PDCD1LG2: variants seen among roughly 807,000 people sequenced by gnomAD.
PDCD1LG2 encodes B7 dendritic cell molecule.
PDCD1LG2 carries 32 observed loss-of-function variants against 28.2 expected under a neutral mutation model. The observed-to-expected ratio is 1.13, with a 90% CI of 0.86 to 1.52. The LOEUF (loss-of-function observed/expected upper bound fraction) is 1.52, where lower values mean the gene tolerates loss of function less well. Among genes scored for constraint, PDCD1LG2 ranks in the 40% most tolerant of loss-of-function variants. PDCD1LG2 has a pLI of 0.00. For missense variants in PDCD1LG2, 385 were observed against 323.8 expected (o/e 1.19, Z -1.45); for synonymous variants, 116 against 120.2 (o/e 0.97, Z 0.23).
rs561507956 is a variant in PDCD1LG2, at chr9:5,557,630, C to A, written c.644C>A (p.Pro215His). Residue 215 changes from proline (P) to histidine (H), a missense_variant, in exon 5 of 7, where the codon CCC (proline) becomes CAC (histidine). Pro to His is a moderately conservative substitution (Grantham distance 77). Transcript: ENST00000397747. The stretch of plus-strand genomic sequence containing the variant: ...TTCCTTTGCCCAGGTCAGATGGAAC[C>A]CAGGACCCATCCAACTTGGCTGCTT... ...ASIDLQSQME[P>H]RTHPTWLLHI... The A allele has an allele frequency of 3.7e-6, 6 of 1,614,006 alleles. No individual in the cohort carries two copies. The Admixed American group carries it at 5.0e-5, about 13-fold the overall frequency.
chr9:5,562,411 C>T (rs1422608472), intron 5 of PDCD1LG2, among the ~76,000 whole-genome samples: 1 of 152,174 alleles, frequency 6.6e-6, no homozygotes, highest in East Asian at 1.9e-4. Context: ...ACCATATATT[C>T]TCACTTGTAA....
intron 3 of PDCD1LG2, among the ~76,000 whole-genome samples, chr9:5,549,004 C>G (rs1270222777): frequency 6.6e-6 from 1 of 152,144 alleles, no homozygotes; most frequent in Admixed American, 6.6e-5. Flanking sequence ...CTGTTGAGGT[C>G]TGGAATCAGA....
chr9:5,559,578 C>T (rs900738418), intron 5 of PDCD1LG2, among the ~76,000 whole-genome samples: 1 of 152,154 alleles, frequency 6.6e-6, no homozygotes, highest in African/African-American at 2.4e-5. Context: ...AAAGGGGAAG[C>T]AGCAAGAGAA....
At chr9:5,540,226 A>G (rs1180707791) in intron 3 of PDCD1LG2, among the ~76,000 whole-genome samples, 2 of 152,210 alleles carry the variant, frequency 1.3e-5, no homozygotes, top group Non-Finnish European at 2.9e-5. Flanking sequence ...TCTGGGATAC[A>G]GCAAAAGCAG....
At chr9:5,519,065 G>C (rs1311853784) in intron 1 of PDCD1LG2, among the ~76,000 whole-genome samples, 1 of 152,224 alleles carries the variant, frequency 6.6e-6, no homozygotes, top group African/African-American at 2.4e-5. Flanking sequence ...ACATGGGGAA[G>C]CACCAGGGTC....
intron 1 of PDCD1LG2, among the ~76,000 whole-genome samples, chr9:5,517,574 G>A (rs149862868): frequency 8.9e-4 from 136 of 152,272 alleles, no homozygotes; most frequent in African/African-American, 3.2e-3. Context: ...CCATCGGAAG[G>A]TTTTAAGAAA....
intron 2 of PDCD1LG2, among the ~76,000 whole-genome samples, chr9:5,524,723 G>T (rs1026465040): frequency 2.6e-5 from 4 of 152,014 alleles, no homozygotes; most frequent in African/African-American, 9.7e-5. Flanking sequence ...GGGGTAAAAA[G>T]GATAGTCTTA....
At chr9:5,531,748 T>C (rs1477332627) in intron 2 of PDCD1LG2, among the ~76,000 whole-genome samples, 1 of 152,240 alleles carries the variant, frequency 6.6e-6, no homozygotes, top group Non-Finnish European at 1.5e-5. Flanking sequence ...CAAAGTCATC[T>C]ATTTAATTCT....
intron 6 of PDCD1LG2, among the ~76,000 whole-genome samples, chr9:5,565,732 T>A (rs1428299520): frequency 3.3e-5 from 5 of 152,142 alleles, no homozygotes; most frequent in Admixed American, 3.3e-4. Flanking sequence ...CAATGTTTCT[T>A]ATAGTTTATT....
intron 4 of PDCD1LG2, among the ~76,000 whole-genome samples, chr9:5,554,101 G>C (rs1021014113): frequency 6.6e-6 from 1 of 152,078 alleles, no homozygotes; most frequent in Non-Finnish European, 1.5e-5. Context: ...TGGACCATTT[G>C]TTTGCCTTGT....
rs559051782 is a variant in PDCD1LG2 at position 5,535,825 on chromosome 9, T to G, written c.361+775T>G. ...CAGGGATCTCTCCACTCCAGCACAA[T>G]TGAAAATCTAAATATAAAGAGAATC... On this transcript the variant is annotated intron_variant, in intron 3 of 6. Coordinates refer to ENST00000397747, the MANE Select transcript of PDCD1LG2 (RefSeq NM_025239.4). 2.3e-3 allele frequency among the ~76,000 whole-genome samples: 347 copies of G among 152,278 alleles called. 2 individuals are homozygous for G. The highest frequency in any genetic ancestry group is 8.2e-3 in the African/African-American group (339 of 41,558).
At chr9:5,549,747 G>C (rs779035074) in intron 4 of PDCD1LG2, 143 bp downstream of exon 4, 7 of 1,045,058 alleles carry the variant, frequency 6.7e-6, no homozygotes, top group Non-Finnish European at 9.5e-6. Flanking sequence ...ACAAAGGATA[G>C]TGCAGAACAC....
intron 4 of PDCD1LG2, among the ~76,000 whole-genome samples, chr9:5,557,190 G>C (rs1816459534): frequency 1.3e-5 from 2 of 152,000 alleles, no homozygotes; most frequent in African/African-American, 4.8e-5. Flanking sequence ...AAGAGAGAGA[G>C]GATGAGGAGG....
intron 1 of PDCD1LG2, among the ~76,000 whole-genome samples, chr9:5,521,583 C>T (rs1168121085): frequency 2.0e-5 from 3 of 152,118 alleles, no homozygotes; most frequent in East Asian, 3.9e-4. Flanking sequence ...TGTAATCTTG[C>T]CAGCAACCTC....
In PDCD1LG2 at chr9:5,569,994, G is replaced by A. The variant is rs2129975957; in HGVS notation, c.*35G>A. On this transcript the variant is annotated 3_prime_UTR_variant, in exon 7 of 7. Coordinates refer to ENST00000397747, the MANE Select transcript of PDCD1LG2 (RefSeq NM_025239.4). This position sits in a 1 kb window ranked among gnomAD's most constrained non-coding sequence, Gnocchi z 4.1. ...CTTGGGAGCCAGGGTGACCTGATAT[G>A]ACATCTAAAGAAGCTTCTGGACTCT... is the stretch of plus-strand genomic sequence containing the variant. The A allele has an allele frequency of 6.2e-7, 1 of 1,613,768 alleles. No individual in the cohort carries two copies. Among genetic ancestry groups the A allele is most frequent in the African/African-American group, 1.3e-5 (1 of 75,020 alleles).
intron 4 of PDCD1LG2, among the ~76,000 whole-genome samples, chr9:5,554,143 T>C (rs959972381): frequency 3.3e-5 from 5 of 152,216 alleles, no homozygotes; most frequent in African/African-American, 1.2e-4. Context: ...TGCTATTTTA[T>C]TTTCCATGTA....
chr9:5,524,068 G>A (rs1820326350), intron 2 of PDCD1LG2, among the ~76,000 whole-genome samples: 1 of 152,190 alleles, frequency 6.6e-6, no homozygotes, highest in Admixed American at 6.5e-5. Flanking sequence ...TACATTTATT[G>A]AAGATTCACT....
At chr9:5,530,194 G>A (rs925700903) in intron 2 of PDCD1LG2, among the ~76,000 whole-genome samples, 1 of 152,164 alleles carries the variant, frequency 6.6e-6, no homozygotes, top group African/African-American at 2.4e-5. Context: ...GCTCCCCCAA[G>A]AATTTTTGAA....
chr9:5,525,264 G>A (rs930567110), intron 2 of PDCD1LG2, among the ~76,000 whole-genome samples: 3 of 151,028 alleles, frequency 2.0e-5, no homozygotes, highest in Admixed American at 1.3e-4. Context: ...AAAATTGCTT[G>A]AACCCAGGAG....
Sources: gnomAD v4.1 joint callset for allele counts (sites outside exome capture counted in the v4.1 genomes callset) on GRCh38, gnomAD v4.1.1 for gene constraint, Gnocchi (gnomAD v3.1) non-coding constraint, MANE v1.5 for transcripts, NCBI Gene and HGNC (gene_info 2026-07-23, HGNC 2026-07-21) for gene names.